The following PIGH variants were observed in gnomAD, a reference collection of about 807,000 sequenced individuals.
The protein encoded by PIGH is phosphatidylinositol N-acetylglucosaminyltransferase subunit H.
PIGH carries 11 observed loss-of-function variants against 20.1 expected under a neutral mutation model. The ratio of observed to expected loss-of-function variants is 0.55; its 90% CI spans 0.34 to 0.91. PIGH has a LOEUF of 0.91. Ranked by LOEUF, PIGH falls within the 40% of genes least tolerant of loss-of-function variation. The probability of loss-of-function intolerance (pLI) is 0.02; values close to 1 mark genes in which losing one functional copy is unlikely to be tolerated. For synonymous variants in PIGH, 72 were observed against 93.1 expected (o/e 0.77, Z 1.31); for missense variants, 189 against 233.6 (o/e 0.81, Z 1.24).
intron 3 of PIGH, among the ~76,000 whole-genome samples, chr14:67,590,394 A>G (rs1309498612): frequency 1.3e-5 from 2 of 151,916 alleles, no homozygotes; most frequent in African/African-American, 2.4e-5. Flanking sequence ...CTGGGATTAC[A>G]GGTGCTCGCC....
intron 3 of PIGH, chr14:67,592,075 CAG>C (rs143844247): frequency 0.053 from 8,973 of 170,456 alleles, 501 homozygotes; most frequent in African/African-American, 0.15. Flanking sequence ...AGTAGACTGA[CAG>C]AGTCAAAGTA....
intron 3 of PIGH, among the ~76,000 whole-genome samples, chr14:67,591,173 T>C (rs2036360179): frequency 1.3e-5 from 2 of 152,174 alleles, no homozygotes. Flanking sequence ...GAGGAAATAC[T>C]GATAGGTAAT....
intron 1 of PIGH, among the ~76,000 whole-genome samples, chr14:67,597,748 A>T (rs1180899716): frequency 7.9e-6 from 1 of 126,168 alleles, no homozygotes; most frequent in Non-Finnish European, 1.7e-5. Context: ...TATAAGTGCC[A>T]AAAGAAAAGT....
intron 1 of PIGH, among the ~76,000 whole-genome samples, chr14:67,597,516 T>G (rs990157146): frequency 6.6e-6 from 1 of 150,526 alleles, no homozygotes; most frequent in Non-Finnish European, 1.5e-5. Flanking sequence ...AAAAAAAAAG[T>G]TTGCTTATCT....
chr14:67,592,487 C>G, intron 3 of PIGH, 148 bp downstream of exon 3: 1 of 587,024 alleles, frequency 1.7e-6, no homozygotes, highest in Non-Finnish European at 3.1e-6. Context: ...ACATTTGCCT[C>G]AGAGAGGAAC....
At chr14:67,595,351 G>A (rs763524634) in intron 1 of PIGH, among the ~76,000 whole-genome samples, 6 of 152,048 alleles carry the variant, frequency 3.9e-5, no homozygotes, top group Admixed American at 3.3e-4. Context: ...TATTGTTTCC[G>A]CATCATCCTA....
At position 67,592,635 on chromosome 14, in the gene PIGH, C is replaced by G; in HGVS notation, c.474G>C (p.Gln158His). Reference protein sequence around the residue: ...HGISQVVPVFQSAKPRLDCLI... With the variant: ...HGISQVVPVFHSAKPRLDCLI... ...AATGGTAAAAGTATTCTATGCTCAC[C>G]TGGAAGACGGGTACTACTTGGGATA... Residue 158 changes from glutamine (Q) to histidine (H), a missense_variant and splice_region_variant, in exon 3 of 4, where the codon CAG (glutamine) becomes CAC (histidine). Gln to His is a conservative substitution (Grantham distance 24). Transcript: ENST00000216452. 2 of 1,578,388 alleles carry G rather than the reference C, an allele frequency of 1.3e-6. No individual in the cohort carries two copies. Among genetic ancestry groups the G allele is most frequent in the South Asian group, 1.1e-5 (1 of 90,100 alleles).
At position 67,600,242 on chromosome 14, in the gene PIGH, A is replaced by ACCGCG; in HGVS notation, c.-40_-39insCGCGG. On this transcript the variant is annotated 5_prime_UTR_variant, in exon 1 of 4. Coordinates refer to ENST00000216452, the MANE Select transcript of PIGH (RefSeq NM_004569.5). ...GGCCGCCCGCACCGCGCGGCGCTGC[A>ACCGCG]CTGCGCTCGCCGGCCCTGGCCGTCT... The ACCGCG allele has an allele frequency of 6.7e-7, 1 of 1,503,448 alleles. No homozygotes were observed. The highest frequency in any genetic ancestry group is 1.3e-5 in the South Asian group (1 of 78,698). The allele number at this position is 1,503,448 out of a possible 1,614,324, so 93.1% of individuals were successfully genotyped here. A position where few individuals can be genotyped will look rare whatever the true frequency, so the allele number is the denominator to read the frequency against.
rs575185720 is a variant in PIGH at position 67,593,509 on chromosome 14, AAGAT to A, written c.390+230_390+233del. 1,478 of 507,992 alleles carry A rather than the reference AAGAT, an allele frequency of 2.9e-3. 15 individuals are homozygous for A. The highest frequency in any genetic ancestry group is 0.012 in the South Asian group (494 of 41,724). The allele number at this position is 507,992 out of a possible 1,614,324, so 31.5% of individuals were successfully genotyped here. On this transcript the variant is annotated intron_variant, in intron 2 of 3. Transcript: ENST00000216452. ...CTGTCTCAAAAAAAAAAAAAGAAAA[AAGAT>A]AGAAAGAGAAGGAAAAAATGCCAGT...
At position 67,589,693 on chromosome 14, in the gene PIGH, C is replaced by T. The variant is rs1375488529; in HGVS notation, c.*387G>A. On this transcript the variant is annotated 3_prime_UTR_variant, in exon 4 of 4. Transcript: ENST00000216452. The stretch of plus-strand genomic sequence containing the variant: ...TTTTCGTAACTTTACACAAGGGGTA[C>T]TATTGGAAAATATAGCTTTCTCAAG... 3 of 994,652 alleles carry T rather than the reference C, an allele frequency of 3.0e-6. No homozygotes were observed. The highest frequency in any genetic ancestry group is 1.0e-3 in the Middle Eastern group (2 of 1,962). 61.6% of individuals were successfully genotyped at this position (994,652 alleles called of 1,614,324 possible).
rs767421535 is a variant in PIGH, at chr14:67,593,919, T to C, written c.214A>G (p.Thr72Ala). Residue 72 changes from threonine to alanine, a missense_variant, in exon 2 of 4, where the codon ACC becomes GCC. Transcript: ENST00000216452. Reference sequence around the variant, plus strand: ...AGATAACCAAGCAGACCTAAGAGGGTGATGAAGATGGCAGCAGAGAGGATC... The same window carrying C: ...AGATAACCAAGCAGACCTAAGAGGGCGATGAAGATGGCAGCAGAGAGGATC... ...SMILSAAIFI[T>A]LLGLLGYLHF... The C allele has an allele frequency of 6.2e-7, 1 of 1,612,924 alleles. No homozygotes were observed. The highest frequency in any genetic ancestry group is 1.1e-5 in the South Asian group (1 of 90,978).
intron 2 of PIGH, chr14:67,593,514 A>C: frequency 1.9e-6 from 1 of 517,602 alleles, no homozygotes. Flanking sequence ...GAAAAAAGAT[A>C]GAAAGAGAAG....
rs984163657 is a variant in PIGH at position 67,590,163 on chromosome 14, G to C, written c.484C>G (p.Pro162Ala). The part of the protein sequence containing the change: ...QVVPVFQSAK[P>A]RLDCLIEVYR... ...ACTTCAATCAAGCAGTCCAGCCGGGGCTTGGCACTCTGAATTCCAAAGGGG... is the reference window on the plus strand; with the variant it reads ...ACTTCAATCAAGCAGTCCAGCCGGGCCTTGGCACTCTGAATTCCAAAGGGG... Residue 162 changes from proline (P) to alanine (A), a missense_variant, in exon 4 of 4, where the codon CCC (proline) becomes GCC (alanine). Coordinates refer to ENST00000216452, the MANE Select transcript of PIGH (RefSeq NM_004569.5). The C allele has an allele frequency of 3.1e-5, 48 of 1,550,544 alleles. No homozygotes were observed. The African/African-American group carries it at 6.0e-4, about 19-fold the overall frequency.
intron 1 of PIGH, 70 bp downstream of exon 1, chr14:67,599,954 A>C: frequency 7.5e-7 from 1 of 1,341,980 alleles, no homozygotes; most frequent in African/African-American, 1.5e-5. Flanking sequence ...GGCTCGACCA[A>C]AGACCCCAAA....
chr14:67,589,778 CATGCTT>C lies in PIGH; in HGVS notation c.*296_*301del. On this transcript the variant is annotated 3_prime_UTR_variant, in exon 4 of 4. Coordinates refer to ENST00000216452, the MANE Select transcript of PIGH (RefSeq NM_004569.5). ...CAAACATCAACAAAGTAAACCTGAA[CATGCTT>C]AGCAATTTCCGAAAGTGTTCTTTGC... 9.3e-7 allele frequency: 1 copy of C among 1,073,014 alleles called. No homozygotes were observed. The highest frequency in any genetic ancestry group is 4.2e-4 in the Middle Eastern group (1 of 2,388). 66.5% of individuals were successfully genotyped at this position (1,073,014 alleles called of 1,614,324 possible).
In PIGH at chr14:67,590,030, TAAGA is replaced by T. The variant is rs1263392635; in HGVS notation, c.*46_*49del. 6.5e-7 allele frequency: 1 copy of T among 1,529,852 alleles called. No homozygotes were observed. Among genetic ancestry groups the T allele is most frequent in the Admixed American group, 2.1e-5 (1 of 47,518 alleles). 94.8% of individuals were successfully genotyped at this position (1,529,852 alleles called of 1,614,324 possible). A position where few individuals can be genotyped will look rare whatever the true frequency, so the allele number is the denominator to read the frequency against. On this transcript the variant is annotated 3_prime_UTR_variant, in exon 4 of 4. Transcript: ENST00000216452. ...GTACGGAAAACCAGCCCCTATGGCT[TAAGA>T]GTCATCTCCCATGGAAGACAATGCT...
chr14:67,593,325 G>A (rs1322316797), intron 2 of PIGH: 10 of 214,706 alleles, frequency 4.7e-5, no homozygotes, highest in Non-Finnish European at 9.3e-5. Flanking sequence ...CTGCATCTCT[G>A]CAAAACATAG....
At chr14:67,594,945 C>CGAGACCACGGT (rs1410620257) in intron 1 of PIGH, among the ~76,000 whole-genome samples, 5 of 151,846 alleles carry the variant, frequency 3.3e-5, no homozygotes, top group Admixed American at 6.6e-5. Context: ...GTCAGGAGAT[C>CGAGACCACGGT]GAGACCACGG....
chr14:67,593,531 A>C, intron 2 of PIGH: 1 of 550,878 alleles, frequency 1.8e-6, no homozygotes, highest in Non-Finnish European at 3.2e-6. Context: ...GAAGGAAAAA[A>C]TGCCAGTGAT....
Sources: allele counts gnomAD v4.1 joint callset (sites outside exome capture counted in the v4.1 genomes callset), GRCh38; gene constraint gnomAD v4.1.1; transcripts MANE v1.5; gene names NCBI Gene and HGNC (gene_info 2026-07-23, HGNC 2026-07-21).